Variants in ROBO1 observed in about 807,000 individuals in gnomAD.
The protein encoded by ROBO1 is roundabout guidance receptor 1.
ROBO1 carries 149 observed loss-of-function variants against 195.9 expected under a neutral mutation model. That is an observed-to-expected ratio of 0.76 (90% CI 0.67 to 0.87). The LOEUF (loss-of-function observed/expected upper bound fraction) is 0.87, where lower values mean the gene tolerates loss of function less well. Ranked by LOEUF, ROBO1 falls within the 40% of genes least tolerant of loss-of-function variation. The pLI is 0.00. For missense variants in ROBO1, 1,933 were observed against 2,068.3 expected, an observed-to-expected ratio of 0.93 and a Z score of 1.27; for synonymous variants, 816 against 733.2, an observed-to-expected ratio of 1.11 and a Z score of -1.82.
At chr3:79,331,975 T>C (rs2034457238) in intron 2 of ROBO1, among the ~76,000 whole-genome samples, 1 of 151,784 alleles carries the variant, frequency 6.6e-6, no homozygotes. Flanking sequence ...ACCCCGTCTT[T>C]ACTAAAAAAT....
chr3:79,378,937 C>A (rs1170021093), intron 2 of ROBO1, among the ~76,000 whole-genome samples: 1 of 152,222 alleles, frequency 6.6e-6, no homozygotes, highest in Admixed American at 6.5e-5. Context: ...TCCTCATCTG[C>A]AAAGCGAGTT....
chr3:78,944,255 T>C (rs370804807), intron 3 of ROBO1, among the ~76,000 whole-genome samples: 4 of 152,346 alleles, frequency 2.6e-5, no homozygotes, highest in South Asian at 4.1e-4. Flanking sequence ...TTAAAATCCA[T>C]AGAGAAACAT....
At chr3:79,446,887 G>A (rs887383421) in intron 2 of ROBO1, among the ~76,000 whole-genome samples, 14 of 152,054 alleles carry the variant, frequency 9.2e-5, no homozygotes, top group Non-Finnish European at 1.9e-4. Flanking sequence ...GCAGTGGTGC[G>A]ATCTCGGCTC....
chr3:79,026,887 G>A (rs1247800381), intron 3 of ROBO1, among the ~76,000 whole-genome samples: 1 of 151,848 alleles, frequency 6.6e-6, no homozygotes, highest in East Asian at 1.9e-4. Context: ...ACTGTTTAAT[G>A]CTTTTGGTTT....
At chr3:78,765,206 A>G (rs2083199794) in intron 4 of ROBO1, among the ~76,000 whole-genome samples, 1 of 152,078 alleles carries the variant, frequency 6.6e-6, no homozygotes, top group African/African-American at 2.4e-5. Context: ...TTGTTGTTTA[A>G]TCTAAGTCTT....
intron 3 of ROBO1, among the ~76,000 whole-genome samples, chr3:79,074,073 T>C (rs2079131377): frequency 6.6e-6 from 1 of 151,928 alleles, no homozygotes; most frequent in South Asian, 2.1e-4. Context: ...TGTTCTTTAA[T>C]TGATTGTATT....
chr3:78,717,724 C>T (rs1207935329), intron 6 of ROBO1, 39 bp downstream of exon 6: 5 of 1,599,612 alleles, frequency 3.1e-6, no homozygotes, highest in Non-Finnish European at 4.3e-6. Context: ...GATAAGAGAT[C>T]TATTTTTCAA....
At position 78,966,573 on chromosome 3, in the gene ROBO1, G is replaced by A. The variant is rs1203567015; in HGVS notation, c.173-27646C>T. Among the ~76,000 whole-genome samples the A allele has an allele frequency of 3.3e-5, 5 of 152,210 alleles. No individual in the cohort carries two copies. In the East Asian group the frequency reaches 5.8e-4, roughly 18 times the overall value. On this transcript the variant is annotated intron_variant, in intron 3 of 30. Coordinates refer to ENST00000464233, the MANE Select transcript of ROBO1 (RefSeq NM_002941.4). ...AGTTTGAGAACACCTGATTTCTTTC[G>A]CTTACAATCCAAAGTTAAGTCACTG...
chr3:78,627,613 C>T (rs1400410889), intron 25 of ROBO1, 44 bp from the exon 26 acceptor site: 1 of 1,541,828 alleles, frequency 6.5e-7, no homozygotes, highest in Admixed American at 2.0e-5. Context: ...TCAGGTTATT[C>T]AAATAAACTA....
chr3:78,936,708 A>G (rs2039830040), intron 4 of ROBO1, among the ~76,000 whole-genome samples: 1 of 152,092 alleles, frequency 6.6e-6, no homozygotes, highest in South Asian at 2.1e-4. Context: ...TACGTCATAT[A>G]TAAGGAACTT....
intron 26 of ROBO1, among the ~76,000 whole-genome samples, chr3:78,620,883 A>ATGTGTGTGTGTG (rs199578004): frequency 2.5e-3 from 355 of 144,658 alleles, no homozygotes; most frequent in Middle Eastern, 7.2e-3. Flanking sequence ...ATATATATAT[A>ATGTGTGTGTGTG]TGTGTGTGTG....
intron 2 of ROBO1, among the ~76,000 whole-genome samples, chr3:79,378,272 A>C (rs538895865): frequency 3.6e-4 from 54 of 152,024 alleles, no homozygotes; most frequent in Non-Finnish European, 6.2e-4. Flanking sequence ...ATAGCCATTC[A>C]GAACTAACTA....
intron 4 of ROBO1, among the ~76,000 whole-genome samples, chr3:78,932,755 A>G (rs2039599322): frequency 6.6e-6 from 1 of 152,172 alleles, no homozygotes; most frequent in Non-Finnish European, 1.5e-5. Context: ...AAAAGACTAG[A>G]CGGATACACA....
chr3:79,412,874 A>ATTTTTTTTTTTTTTTTTT (rs1167482550), intron 2 of ROBO1, among the ~76,000 whole-genome samples: 2 of 38,346 alleles, frequency 5.2e-5, no homozygotes, highest in Non-Finnish European at 4.3e-5. Flanking sequence ...TCATGAGCTG[A>ATTTTTTTTTTTTTTTTTT]TTTTTTTTTT....
At chr3:79,404,935 T>G (rs2106808363) in intron 2 of ROBO1, among the ~76,000 whole-genome samples, 1 of 152,262 alleles carries the variant, frequency 6.6e-6, no homozygotes. Flanking sequence ...TTGCAATAAC[T>G]ATTACAAAGT....
intron 3 of ROBO1, among the ~76,000 whole-genome samples, chr3:79,005,080 T>C (rs972789108): frequency 1.3e-5 from 2 of 152,232 alleles, no homozygotes; most frequent in African/African-American, 2.4e-5. Context: ...TCCGTTATTA[T>C]TGGCAAGCTA....
chr3:78,831,910 T>C (rs1386930571), intron 4 of ROBO1, among the ~76,000 whole-genome samples: 1 of 152,168 alleles, frequency 6.6e-6, no homozygotes, highest in Admixed American at 6.5e-5. Context: ...CCCGTCCCCA[T>C]GATTCAATTA....
chr3:79,205,758 C>T (rs762690234), intron 2 of ROBO1, among the ~76,000 whole-genome samples: 2 of 152,140 alleles, frequency 1.3e-5, no homozygotes, highest in Non-Finnish European at 2.9e-5. Flanking sequence ...AAACTGATTT[C>T]TGGAACATTA....
intron 10 of ROBO1, among the ~76,000 whole-genome samples, chr3:78,681,796 AGAGGCT>A (rs2080918488): frequency 6.6e-6 from 1 of 152,040 alleles, no homozygotes; most frequent in South Asian, 2.1e-4. Context: ...CAGCTACTCG[AGAGGCT>A]GAGGCAGGAG....
Sources: allele counts gnomAD v4.1 joint callset (sites outside exome capture counted in the v4.1 genomes callset), GRCh38; gene constraint gnomAD v4.1.1; transcripts MANE v1.5; gene names NCBI Gene and HGNC (gene_info 2026-07-23, HGNC 2026-07-21).